TMEM179B: variants seen among roughly 807,000 people sequenced by gnomAD.
TMEM179B encodes transmembrane protein 179B.
Under a neutral mutation model 18.0 loss-of-function variants are expected in TMEM179B, and 13 were observed. The observed-to-expected ratio is 0.72, with a 90% CI of 0.47 to 1.15. TMEM179B has a LOEUF of 1.15. TMEM179B is among the 50% of genes most tolerant of loss of function. The pLI, the probability that TMEM179B is intolerant of heterozygous loss-of-function variation, is 0.00. For synonymous variants in TMEM179B, 159 were observed against 117.5 expected (o/e 1.35, Z -2.29); for missense variants, 320 against 270.6 (o/e 1.18, Z -1.28).
rs1392059689 is a variant in TMEM179B at position 62,789,508 on chromosome 11, A to G, written c.419+82A>G. On this transcript the variant is annotated intron_variant, in intron 3 of 4. Transcript: ENST00000333449. ...GGTCCTATAATTTCCTTTTATCCCCATCAGTTGCTCTCAACTCACAGGGCA... is the reference window on the plus strand; with the variant it reads ...GGTCCTATAATTTCCTTTTATCCCCGTCAGTTGCTCTCAACTCACAGGGCA... The G allele has an allele frequency of 3.1e-6, 5 of 1,597,812 alleles. No individual in the cohort carries two copies. In the African/African-American group the frequency reaches 6.7e-5, roughly 21 times the overall value.
At chr11:62,788,057 A>G (rs867740407) in intron 1 of TMEM179B, 2 of 452,600 alleles carry the variant, frequency 4.4e-6, no homozygotes, top group Middle Eastern at 6.5e-4. Flanking sequence ...ACATGGGTTC[A>G]TTTAATGCCT....
chr11:62,787,583 C>T (rs2084301935), intron 1 of TMEM179B, 56 bp downstream of exon 1: 4 of 1,463,314 alleles, frequency 2.7e-6, no homozygotes, highest in Admixed American at 2.5e-5. Flanking sequence ...CTGGACATGG[C>T]GAGGCCACTT....
Position 62,789,488 on chromosome 11 carries a change from T to C in TMEM179B, c.419+62T>C, listed in dbSNP as rs535790010. Reference sequence around the variant, plus strand: ...CTACCTTCCCTCTGCAGCGGGGTCCTATAATTTCCTTTTATCCCCATCAGT... The same window carrying C: ...CTACCTTCCCTCTGCAGCGGGGTCCCATAATTTCCTTTTATCCCCATCAGT... On this transcript the variant is annotated intron_variant, in intron 3 of 4. Coordinates refer to ENST00000333449, the MANE Select transcript of TMEM179B (RefSeq NM_199337.3). The C allele has an allele frequency of 6.0e-5, 96 of 1,608,828 alleles. No individual in the cohort carries two copies. The Admixed American group carries it at 1.4e-3, about 23-fold the overall frequency.
In TMEM179B at chr11:62,790,218, C is replaced by A. The variant is rs146526254; in HGVS notation, c.*171C>A. 1.2e-4 allele frequency: 83 copies of A among 712,678 alleles called. No individual in the cohort carries two copies. The African/African-American group carries it at 1.3e-3, about 11-fold the overall frequency. 44.1% of individuals were successfully genotyped at this position (712,678 alleles called of 1,614,324 possible). A position where few individuals can be genotyped will look rare whatever the true frequency, so the allele number is the denominator to read the frequency against. ...CCTCTTCCTGCAGCTGTTTTTGTACCAAAATATTATATTACTGTCTTCATC... is the reference window on the plus strand; with the variant it reads ...CCTCTTCCTGCAGCTGTTTTTGTACAAAAATATTATATTACTGTCTTCATC... On this transcript the variant is annotated 3_prime_UTR_variant, in exon 5 of 5. Coordinates refer to ENST00000333449, the MANE Select transcript of TMEM179B (RefSeq NM_199337.3).
chr11:62,789,033 G>T lies in TMEM179B; in HGVS notation c.107G>T (p.Ser36Ile), dbSNP rs1331430968. Residue 36 changes from serine to isoleucine, a missense_variant, in exon 2 of 5, where the codon AGT becomes ATT. Ser to Ile is a moderately radical substitution (Grantham distance 142, BLOSUM62 -2). Transcript: ENST00000333449. ...AGCTTCTCTCCACAGGGCTCCTTCA[G>T]TGGTAGATGTCCCCTGTATGGTGTG... ...AAMTRTQGSFSGRCPLYGVAT... is the reference protein window; with the variant it reads ...AAMTRTQGSFIGRCPLYGVAT... 1 of 1,612,316 alleles carries T rather than the reference G, an allele frequency of 6.2e-7. No homozygotes were observed. The highest frequency in any genetic ancestry group is 1.1e-5 in the South Asian group (1 of 91,016).
intron 1 of TMEM179B, chr11:62,787,775 G>A: frequency 1.5e-6 from 1 of 684,588 alleles, no homozygotes; most frequent in South Asian, 1.5e-5. Flanking sequence ...AAAGCACTAG[G>A]TGGAGTCGGG....
rs1225981188 is a variant in TMEM179B, at chr11:62,787,535, TGCGGG to T, written c.96+15_96+19del. The T allele has an allele frequency of 6.4e-7, 1 of 1,556,142 alleles. No individual in the cohort carries two copies. The highest frequency in any genetic ancestry group is 8.6e-7 in the Non-Finnish European group (1 of 1,160,372). ...GCGATGACTCGGACCCAGGTGCGGC[TGCGGG>T]GCGGGGTCAGGTAGGCGGGGGAGCT... On this transcript the variant is annotated intron_variant, in intron 1 of 4. Transcript: ENST00000333449.
Position 62,789,210 on chromosome 11 carries a change from G to A in TMEM179B, c.284G>A (p.Arg95Lys). 6.2e-7 allele frequency: 1 copy of A among 1,614,128 alleles called. No individual in the cohort carries two copies. The highest frequency in any genetic ancestry group is 1.1e-5 in the South Asian group (1 of 91,082). The change falls in exon 2 of 5, where the codon AGA (arginine) becomes AAA (lysine). Residue 95 changes from arginine to lysine, a missense_variant and splice_region_variant. Coordinates refer to ENST00000333449, the MANE Select transcript of TMEM179B (RefSeq NM_199337.3). ...AGCAGCTGCATCGAGGACTCCCACA[G>A]GTGACTGCCTAACCCTGAGGGCCAG... is the stretch of plus-strand genomic sequence containing the variant. ...IYSSCIEDSH[R>K]GAIGLRIALA...
Position 62,790,254 on chromosome 11 carries a change from G to C in TMEM179B, c.*207G>C. 1.7e-6 allele frequency: 1 copy of C among 599,124 alleles called. No individual in the cohort carries two copies. The highest frequency in any genetic ancestry group is 2.8e-6 in the Non-Finnish European group (1 of 360,128). The allele number at this position is 599,124 out of a possible 1,614,324, so 37.1% of individuals were successfully genotyped here. ...ATTACTGTCTTCATCTTAGTAGTGAGTTTTTGATGTTAAAGTACAACTAGA... is the reference window on the plus strand; with the variant it reads ...ATTACTGTCTTCATCTTAGTAGTGACTTTTTGATGTTAAAGTACAACTAGA... On this transcript the variant is annotated 3_prime_UTR_variant, in exon 5 of 5. Transcript: ENST00000333449.
rs146539259 is a variant in TMEM179B at position 62,789,372 on chromosome 11, G to A, written c.365G>A (p.Arg122Gln). 118 of 1,613,716 alleles carry A rather than the reference G, an allele frequency of 7.3e-5. No homozygotes were observed. In the African/African-American group the frequency reaches 1.0e-3, roughly 14 times the overall value. The change falls in exon 3 of 5, where the codon CGA (arginine) becomes CAA (glutamine). Residue 122 changes from arginine (R) to glutamine (Q), a missense_variant. Arg to Gln is a conservative substitution (Grantham distance 43, BLOSUM62 1). Transcript: ENST00000333449. ...FLVLVSACIL[R>Q]FGTRSLCNSI... is the part of the protein sequence containing the mutation. ...GTCTTGGTGTCTGCCTGTATCCTTC[G>A]ATTTGGCACCAGGTCTCTCTGCAAC...
rs539398981 is a variant in TMEM179B, at chr11:62,788,121, C to T, written c.96+594C>T. On this transcript the variant is annotated intron_variant, in intron 1 of 4. Transcript: ENST00000333449. ...ACACCATGAGAAAACCTCAGAGATC[C>T]GCCGGGCGCGGTGACTCACGCCTGT... Among the ~76,000 whole-genome samples the T allele has an allele frequency of 2.0e-5, 3 of 152,096 alleles. No individual in the cohort carries two copies. The East Asian group carries it at 5.8e-4, about 29-fold the overall frequency.
At chr11:62,788,317 C>T (rs1262440433) in intron 1 of TMEM179B, among the ~76,000 whole-genome samples, 2 of 150,822 alleles carry the variant, frequency 1.3e-5, no homozygotes, top group Admixed American at 6.6e-5. Flanking sequence ...GCAGGAGAAT[C>T]GCTTGAACCT....
At chr11:62,788,950 C>T (rs902283095) in intron 1 of TMEM179B, 73 bp from the exon 2 acceptor site, 23 of 1,486,104 alleles carry the variant, frequency 1.5e-5, no homozygotes, top group Admixed American at 6.3e-5. Context: ...TAAGTTATCA[C>T]TAACACCCTA....
In TMEM179B at chr11:62,789,071, G is replaced by T; in HGVS notation, c.145G>T (p.Gly49Cys). 6.2e-7 allele frequency: 1 copy of T among 1,614,168 alleles called. No individual in the cohort carries two copies. The highest frequency in any genetic ancestry group is 8.5e-7 in the Non-Finnish European group (1 of 1,180,020). ...CCTGTATGGTGTGGCCACCCTGAAT[G>T]GCTCCTCCCTGGCCTTATCCCGTCC... ...CPLYGVATLN[G>C]SSLALSRPSA... The change falls in exon 2 of 5, where the codon GGC (glycine) becomes TGC (cysteine). Residue 49 changes from glycine (G) to cysteine (C), a missense_variant. Coordinates refer to ENST00000333449, the MANE Select transcript of TMEM179B (RefSeq NM_199337.3).
At chr11:62,789,464 T>C (rs1404750176) in intron 3 of TMEM179B, 38 bp downstream of exon 3, 1 of 1,613,248 alleles carries the variant, frequency 6.2e-7, no homozygotes, top group African/African-American at 1.3e-5. Flanking sequence ...TGGGGCTGAC[T>C]ACCTTCCCTC....
intron 1 of TMEM179B, 58 bp from the exon 2 acceptor site, chr11:62,788,965 G>C: frequency 3.9e-6 from 6 of 1,535,534 alleles, no homozygotes; most frequent in African/African-American, 1.4e-5. Flanking sequence ...ACCCTACCAA[G>C]AGACTGTATC....
At position 62,790,140 on chromosome 11, in the gene TMEM179B, G is replaced by C; in HGVS notation, c.*93G>C. 2 of 927,018 alleles carry C rather than the reference G, an allele frequency of 2.2e-6. No homozygotes were observed. The highest frequency in any genetic ancestry group is 3.0e-6 in the Non-Finnish European group (2 of 659,798). 57.4% of individuals were successfully genotyped at this position (927,018 alleles called of 1,614,324 possible). A position where few individuals can be genotyped will look rare whatever the true frequency, so the allele number is the denominator to read the frequency against. ...GGCCCTGTTTATGTTGGGAGTCTTA[G>C]TTTTCCTTTCGTTGGGGGGTGGGGG... is the stretch of plus-strand genomic sequence containing the variant. On this transcript the variant is annotated 3_prime_UTR_variant, in exon 5 of 5. Coordinates refer to ENST00000333449, the MANE Select transcript of TMEM179B (RefSeq NM_199337.3).
chr11:62,787,762 C>CT lies in TMEM179B; in HGVS notation c.96+237dup, dbSNP rs943793507. On this transcript the variant is annotated intron_variant, in intron 1 of 4. Coordinates refer to ENST00000333449, the MANE Select transcript of TMEM179B (RefSeq NM_199337.3). ...CGCCAAAGGGACGGGTCAGTAGCGTCTTAAAGCACTAGGTGGAGTCGGGTT... is the reference window on the plus strand; with the variant it reads ...CGCCAAAGGGACGGGTCAGTAGCGTCTTTAAAGCACTAGGTGGAGTCGGGTT... The CT allele has an allele frequency of 6.3e-5, 43 of 687,114 alleles. No individual in the cohort carries two copies. In the African/African-American group the frequency reaches 6.7e-4, roughly 11 times the overall value. 42.6% of individuals were successfully genotyped at this position (687,114 alleles called of 1,614,324 possible). A position where few individuals can be genotyped will look rare whatever the true frequency, so the allele number is the denominator to read the frequency against.
At chr11:62,789,563 T>G (rs1431483346) in intron 3 of TMEM179B, 38 bp from the exon 4 acceptor site, 3 of 1,550,476 alleles carry the variant, frequency 1.9e-6, no homozygotes, top group African/African-American at 1.4e-5. Flanking sequence ...GGATATAAAC[T>G]ATCACGCTTT....
Sources: allele counts gnomAD v4.1 joint callset (sites outside exome capture counted in the v4.1 genomes callset), GRCh38; gene constraint gnomAD v4.1.1; transcripts MANE v1.5; gene names NCBI Gene and HGNC (gene_info 2026-07-23, HGNC 2026-07-21).